Variants in ARHGEF3 observed in about 807,000 individuals in gnomAD.
The protein encoded by ARHGEF3 is Rho guanine nucleotide exchange factor 3.
In ARHGEF3, 28 loss-of-function variants were observed where a neutral mutation model predicts 63.2. The ratio of observed to expected loss-of-function variants is 0.44; its 90% CI spans 0.33 to 0.61. The LOEUF (loss-of-function observed/expected upper bound fraction) is 0.61, where lower values mean the gene tolerates loss of function less well. Ranked by LOEUF, ARHGEF3 falls within the 20% of genes least tolerant of loss-of-function variation. The pLI, the probability that ARHGEF3 is intolerant of heterozygous loss-of-function variation, is 0.03. For synonymous variants in ARHGEF3, 266 were observed against 254.2 expected (o/e 1.05, Z -0.44); for missense variants, 533 against 659.3 (o/e 0.81, Z 2.10).
chr3:56,988,631 G>C (rs1353431521), intron 2 of ARHGEF3, among the ~76,000 whole-genome samples: 2 of 152,202 alleles, frequency 1.3e-5, no homozygotes, highest in Non-Finnish European at 2.9e-5. Context: ...GCATGTCCCA[G>C]TGTTGTTCCC....
intron 1 of ARHGEF3, among the ~76,000 whole-genome samples, chr3:57,036,485 A>G (rs1703967480): frequency 6.6e-6 from 1 of 152,156 alleles, no homozygotes; most frequent in Non-Finnish European, 1.5e-5. Context: ...CGCTTCCTGA[A>G]CATTTGCCCC....
chr3:56,976,540 C>T (rs969004400), intron 2 of ARHGEF3, among the ~76,000 whole-genome samples: 2 of 152,142 alleles, frequency 1.3e-5, no homozygotes, highest in African/African-American at 4.8e-5. Context: ...CCCAACCCCT[C>T]CAAAATGAAC....
At position 56,781,747 on chromosome 3, in the gene ARHGEF3, G is replaced by A. The variant is rs145368407; in HGVS notation, c.97-7931C>T. Among the ~76,000 whole-genome samples, 153 of 152,310 alleles carry A rather than the reference G, an allele frequency of 1.0e-3. 1 individual carries two copies. The highest frequency in any genetic ancestry group is 8.1e-3 in the East Asian group (42 of 5,188). ...AGTTTGGAGGACTTTGTGACTTTGT[G>A]CATTCTTCTTAGCCCAATTTAGGGA... On this transcript the variant is annotated intron_variant, in intron 1 of 9. Coordinates refer to ENST00000296315, the MANE Select transcript of ARHGEF3 (RefSeq NM_019555.3).
At chr3:57,073,695 A>G (rs765725099) in intron 1 of ARHGEF3, 28 of 1,607,126 alleles carry the variant, frequency 1.7e-5, no homozygotes, top group Non-Finnish European at 2.3e-5. Flanking sequence ...CTTGGGCCCC[A>G]TGTCCAGTTC....
intron 4 of ARHGEF3, among the ~76,000 whole-genome samples, chr3:56,842,538 A>G (rs922116619): frequency 2.2e-4 from 34 of 152,198 alleles, no homozygotes; most frequent in Non-Finnish European, 1.5e-5. Flanking sequence ...CTAGAAACCA[A>G]TGCTTTTAAC....
chr3:56,899,928 T>C (rs546986009), intron 3 of ARHGEF3, among the ~76,000 whole-genome samples: 34 of 152,342 alleles, frequency 2.2e-4, no homozygotes, highest in African/African-American at 7.9e-4. Flanking sequence ...GGTCTAACTT[T>C]AGCCACAGGA....
At chr3:56,928,482 T>C (rs994079159) in intron 3 of ARHGEF3, among the ~76,000 whole-genome samples, 1 of 152,144 alleles carries the variant, frequency 6.6e-6, no homozygotes, top group Non-Finnish European at 1.5e-5. Flanking sequence ...TACCTCCCAC[T>C]TTGAAAGCAC....
intron 3 of ARHGEF3, among the ~76,000 whole-genome samples, chr3:56,917,310 T>A (rs2108354822): frequency 6.6e-6 from 1 of 151,820 alleles, no homozygotes; most frequent in African/African-American, 2.4e-5. Context: ...TTTATTTATT[T>A]ATTTTAGTTA....
intron 4 of ARHGEF3, among the ~76,000 whole-genome samples, chr3:56,856,064 G>T (rs115299021): frequency 6.6e-6 from 1 of 152,146 alleles, no homozygotes; most frequent in African/African-American, 2.4e-5. Flanking sequence ...GGGCCCTGCC[G>T]CAGAGGAGGA....
intron 8 of ARHGEF3, among the ~76,000 whole-genome samples, chr3:56,733,054 C>A (rs946926042): frequency 6.6e-6 from 1 of 151,756 alleles, no homozygotes; most frequent in Non-Finnish European, 1.5e-5. Flanking sequence ...GAGGCTGAGG[C>A]GGGCGGATCA....
chr3:56,998,687 A>G (rs1702081226), intron 2 of ARHGEF3, among the ~76,000 whole-genome samples: 1 of 152,188 alleles, frequency 6.6e-6, no homozygotes, highest in African/African-American at 2.4e-5. Flanking sequence ...TCTTGGTTTG[A>G]CTTTTAATGC....
At chr3:56,993,251 AAG>A (rs945714026) in intron 2 of ARHGEF3, among the ~76,000 whole-genome samples, 1 of 152,244 alleles carries the variant, frequency 6.6e-6, no homozygotes, top group African/African-American at 2.4e-5. Flanking sequence ...CTCCTAGTTC[AAG>A]ATTTGAACAG....
intron 2 of ARHGEF3, among the ~76,000 whole-genome samples, chr3:56,756,731 A>G (rs1256611865): frequency 1.3e-5 from 2 of 151,820 alleles, no homozygotes; most frequent in Admixed American, 6.6e-5. Flanking sequence ...TTGTATTTTC[A>G]GTAGAGACAG....
At position 57,062,649 on chromosome 3, in the gene ARHGEF3, C is replaced by G. The variant is rs557461798; in HGVS notation, c.-28+16577G>C. ...AAACACTATGTAGCTGTTTAACAAG[C>G]AGGAATATCTGGTGGGAATGACAGG... On this transcript the variant is annotated intron_variant, in intron 1 of 12. Coordinates refer to the ARHGEF3 transcript ENST00000338458. 2.4e-3 allele frequency among the ~76,000 whole-genome samples: 368 copies of G among 152,192 alleles called. 5 individuals carry two copies. The highest frequency in any genetic ancestry group is 3.8e-3 in the Non-Finnish European group (257 of 67,972).
At chr3:56,773,908 G>T in intron 1 of ARHGEF3, 92 bp from the exon 2 acceptor site, 1 of 984,576 alleles carries the variant, frequency 1.0e-6, no homozygotes, top group Non-Finnish European at 1.5e-6. Flanking sequence ...ACTCCACAAG[G>T]TACTGGTTGT....
chr3:56,737,952 T>C (rs2033742237), intron 7 of ARHGEF3, among the ~76,000 whole-genome samples: 1 of 152,100 alleles, frequency 6.6e-6, no homozygotes, highest in Non-Finnish European at 1.5e-5. Flanking sequence ...CACTGCAACC[T>C]CTGCCTCCCA....
intron 1 of ARHGEF3, among the ~76,000 whole-genome samples, chr3:56,778,608 C>T (rs554113053): frequency 2.6e-5 from 4 of 152,320 alleles, no homozygotes; most frequent in East Asian, 3.9e-4. Context: ...TCACGACTCA[C>T]GGCAGCCTCA....
At chr3:56,796,372 G>T (rs185709637) in intron 1 of ARHGEF3, among the ~76,000 whole-genome samples, 2 of 152,310 alleles carry the variant, frequency 1.3e-5, no homozygotes, top group East Asian at 1.9e-4. Flanking sequence ...TACACAGAAG[G>T]CTTGTGGTTA....
intron 1 of ARHGEF3, among the ~76,000 whole-genome samples, chr3:57,046,982 T>C (rs920109908): frequency 3.9e-5 from 6 of 152,204 alleles, no homozygotes; most frequent in East Asian, 1.9e-4. Context: ...AGATTTTACA[T>C]AAGCTATTAA....
Sources: gnomAD v4.1 joint callset for allele counts (sites outside exome capture counted in the v4.1 genomes callset) on GRCh38, gnomAD v4.1.1 for gene constraint, MANE v1.5 for transcripts, NCBI Gene and HGNC (gene_info 2026-07-23, HGNC 2026-07-21) for gene names.